The following CCDC178 variants were observed in gnomAD, a reference collection of about 807,000 sequenced individuals.
The protein encoded by CCDC178 is coiled-coil domain containing 178, also known as coiled-coil domain-containing protein 178.
In CCDC178, 126 loss-of-function variants were observed where a neutral mutation model predicts 117.4. That is an observed-to-expected ratio of 1.07 (90% CI 0.93 to 1.24). The LOEUF (loss-of-function observed/expected upper bound fraction) is 1.24. Among genes scored for constraint, CCDC178 ranks in the 50% most tolerant of loss-of-function variants. The pLI is 0.00. For missense variants in CCDC178, 1,030 were observed against 986.9 expected (o/e 1.04, Z -0.59); for synonymous variants, 283 against 313.4 (o/e 0.90, Z 1.02).
intron 21 of CCDC178, among the ~76,000 whole-genome samples, chr18:33,042,936 C>T (rs527938802): frequency 4.6e-4 from 70 of 151,864 alleles, no homozygotes; most frequent in Non-Finnish European, 8.7e-4. Context: ...AAAGTAACAG[C>T]TTATGTAGGA....
intron 16 of CCDC178, among the ~76,000 whole-genome samples, chr18:33,226,003 A>G (rs1235611014): frequency 6.6e-6 from 1 of 152,106 alleles, no homozygotes; most frequent in Non-Finnish European, 1.5e-5. Flanking sequence ...CTCTACTAAA[A>G]ATACAAAATT....
intron 21 of CCDC178, among the ~76,000 whole-genome samples, chr18:33,055,380 A>C (rs1455698468): frequency 6.6e-6 from 1 of 152,078 alleles, no homozygotes; most frequent in Non-Finnish European, 1.5e-5. Flanking sequence ...TCTGTCACCC[A>C]GGCTGGAGTG....
At chr18:33,042,827 C>A (rs1300471893) in intron 21 of CCDC178, among the ~76,000 whole-genome samples, 1 of 151,736 alleles carries the variant, frequency 6.6e-6, no homozygotes, top group Non-Finnish European at 1.5e-5. Flanking sequence ...CTTTTCTATA[C>A]ATTTGAGTAT....
chr18:33,247,091 T>TGAGA (rs2059559307), intron 14 of CCDC178, among the ~76,000 whole-genome samples: 1 of 148,124 alleles, frequency 6.8e-6, no homozygotes, highest in African/African-American at 2.5e-5. Flanking sequence ...TGTGTGTGTG[T>TGAGA]GTGAGAGAGA....
intron 18 of CCDC178, among the ~76,000 whole-genome samples, chr18:33,222,323 CCCTT>C (rs1237894120): frequency 5.7e-4 from 86 of 150,310 alleles, no homozygotes; most frequent in African/African-American, 2.0e-3. Context: ...CTTCTTCCCT[CCCTT>C]CCTTCCTTCA....
intron 12 of CCDC178, among the ~76,000 whole-genome samples, chr18:33,280,132 C>T (rs1334035814): frequency 6.6e-6 from 1 of 151,272 alleles, no homozygotes; most frequent in East Asian, 2.0e-4. Context: ...AGCTTCTGCA[C>T]AGCAAAAGAA....
At chr18:33,219,121 T>C (rs776722577) in intron 18 of CCDC178, among the ~76,000 whole-genome samples, 4 of 152,152 alleles carry the variant, frequency 2.6e-5, no homozygotes, top group Non-Finnish European at 4.4e-5. Flanking sequence ...TCCTCTTTTA[T>C]TTCATTGAGC....
intron 4 of CCDC178, 98 bp from the exon 5 acceptor site, chr18:33,389,727 C>T (rs1049197865): frequency 2.1e-6 from 1 of 465,628 alleles, no homozygotes; most frequent in Non-Finnish European, 3.7e-6. Flanking sequence ...TAGAGAAGTG[C>T]TCTCCTTAAA....
At chr18:32,939,527 CAATT>C (rs2054192849) in intron 22 of CCDC178, among the ~76,000 whole-genome samples, 1 of 152,096 alleles carries the variant, frequency 6.6e-6, no homozygotes, top group African/African-American at 2.4e-5. Flanking sequence ...AATACTTGCT[CAATT>C]AATGGGCTAG....
chr18:33,018,597 G>C (rs2056046996), intron 21 of CCDC178, among the ~76,000 whole-genome samples: 1 of 152,046 alleles, frequency 6.6e-6, no homozygotes, highest in Non-Finnish European at 1.5e-5. Flanking sequence ...AACCTTTAAA[G>C]CATTATGCCT....
chr18:33,085,360 G>A (rs1433509470), intron 21 of CCDC178, among the ~76,000 whole-genome samples: 1 of 152,106 alleles, frequency 6.6e-6, no homozygotes, highest in Non-Finnish European at 1.5e-5. Flanking sequence ...TCAGGGGATC[G>A]AGACCATCCT....
intron 15 of CCDC178, among the ~76,000 whole-genome samples, chr18:33,232,136 A>G (rs919100452): frequency 2.0e-5 from 3 of 152,178 alleles, no homozygotes; most frequent in Admixed American, 6.5e-5. Flanking sequence ...GGAAGTGACA[A>G]TATCTCAGAA....
chr18:33,028,777 T>G (rs761055739), intron 21 of CCDC178, among the ~76,000 whole-genome samples: 2 of 151,828 alleles, frequency 1.3e-5, no homozygotes, highest in Non-Finnish European at 3.0e-5. Context: ...TCTATTAAGA[T>G]GCTCCTATTT....
chr18:33,299,933 AAAT>A (rs1439647251), intron 11 of CCDC178, among the ~76,000 whole-genome samples: 12 of 152,178 alleles, frequency 7.9e-5, no homozygotes, highest in Non-Finnish European at 1.5e-5. Context: ...AAAAGACAAA[AAAT>A]AACAAATGCT....
intron 20 of CCDC178, among the ~76,000 whole-genome samples, chr18:33,146,840 A>G (rs748541784): frequency 7.9e-5 from 12 of 152,244 alleles, no homozygotes; most frequent in Non-Finnish European, 1.3e-4. Flanking sequence ...GAGTTCAGCA[A>G]ATAAACTGAC....
At chr18:33,418,191 T>C (rs143000401) in intron 2 of CCDC178, among the ~76,000 whole-genome samples, 4 of 152,268 alleles carry the variant, frequency 2.6e-5, no homozygotes, top group African/African-American at 9.6e-5. Flanking sequence ...TGGTTCAACA[T>C]ACACAAATTA....
At chr18:33,233,583 G>A (rs1427077786) in intron 15 of CCDC178, among the ~76,000 whole-genome samples, 2 of 147,462 alleles carry the variant, frequency 1.4e-5, no homozygotes, top group Non-Finnish European at 3.0e-5. Context: ...GTTAAAGATT[G>A]TTTTTTTTTT....
intron 21 of CCDC178, among the ~76,000 whole-genome samples, chr18:33,065,064 A>G (rs1598844656): frequency 6.6e-6 from 1 of 151,960 alleles, no homozygotes; most frequent in Non-Finnish European, 1.5e-5. Flanking sequence ...TGTAGAAGCA[A>G]AGAGTAGAGC....
Position 33,001,062 on chromosome 18 carries a change from T to C in CCDC178, c.2389-26381A>G, listed in dbSNP as rs186526239. Among the ~76,000 whole-genome samples, 778 of 152,304 alleles carry C rather than the reference T, an allele frequency of 5.1e-3. 6 individuals carry two copies. Among genetic ancestry groups the C allele is most frequent in the Non-Finnish European group, 8.0e-3 (546 of 68,006 alleles). On this transcript the variant is annotated intron_variant, in intron 21 of 22. Transcript: ENST00000383096. ...ATAAATAGAAACAACAAAAAGTTAATAGGTGGGGTAAATAAATTAAAGTGG... is the reference window on the plus strand; with the variant it reads ...ATAAATAGAAACAACAAAAAGTTAACAGGTGGGGTAAATAAATTAAAGTGG...
Sources: allele counts gnomAD v4.1 joint callset (sites outside exome capture counted in the v4.1 genomes callset), GRCh38; gene constraint gnomAD v4.1.1; transcripts MANE v1.5; gene names NCBI Gene and HGNC (gene_info 2026-07-23, HGNC 2026-07-21).